OR3A3: variants seen among roughly 807,000 people sequenced by gnomAD.
The protein encoded by OR3A3 is olfactory receptor family 3 subfamily A member 3.
For synonymous variants in OR3A3, 103 were observed against 163.9 expected, an observed-to-expected ratio of 0.63 and a Z score of 2.84; for missense variants, 275 against 391.4, an observed-to-expected ratio of 0.70 and a Z score of 2.51.
At chr17:3,413,765 A>G (rs2072374518) in intron 2 of OR3A3, among the ~76,000 whole-genome samples, 2 of 151,570 alleles carry the variant, frequency 1.3e-5, no homozygotes, top group South Asian at 2.1e-4. Context: ...GTGAGCCAAG[A>G]TCATCAAAAT....
chr17:3,418,678 C>T lies in OR3A3; in HGVS notation c.-6-1902C>T, dbSNP rs181859902. On this transcript the variant is annotated intron_variant, in intron 2 of 2. Transcript: ENST00000641141. ...TTCTGAGATATGATTTTCTTAACCG[C>T]TCCTGGCCCTGAATTTCACTGCCCC... Among the ~76,000 whole-genome samples the T allele has an allele frequency of 9.8e-5, 15 of 152,294 alleles. No homozygotes were observed. The East Asian group carries it at 2.9e-3, about 29-fold the overall frequency.
chr17:3,412,449 T>A (rs1169322830), intron 2 of OR3A3, among the ~76,000 whole-genome samples: 1 of 147,008 alleles, frequency 6.8e-6, no homozygotes, highest in South Asian at 2.2e-4. Flanking sequence ...CGGGGAACCC[T>A]CGCTCCAGCG....
chr17:3,417,259 T>C (rs2072397940), intron 2 of OR3A3, among the ~76,000 whole-genome samples: 1 of 152,144 alleles, frequency 6.6e-6, no homozygotes, highest in Non-Finnish European at 1.5e-5. Flanking sequence ...TGTTTTCTTA[T>C]TCTAAATTCA....
At chr17:3,416,114 C>G (rs2072390138) in intron 2 of OR3A3, among the ~76,000 whole-genome samples, 2 of 151,806 alleles carry the variant, frequency 1.3e-5, no homozygotes, top group East Asian at 3.9e-4. Context: ...ACCTGGCCTA[C>G]TTAGTTTTAT....
chr17:3,411,390 T>G (rs112215494), exon 1 of OR3A3: 14,893 of 135,588 alleles, frequency 0.11, 1 homozygote, highest in African/African-American at 0.18. Flanking sequence ...TTCAGGAATT[T>G]GCTTGTCTCT....
intron 2 of OR3A3, 162 bp from the exon 3 acceptor site, chr17:3,420,418 G>A: frequency 8.5e-7 from 1 of 1,172,882 alleles, no homozygotes; most frequent in South Asian, 1.6e-5. Flanking sequence ...AGGTGGTGGT[G>A]GCATTCGGCA....
chr17:3,420,494 C>G, intron 2 of OR3A3, 86 bp from the exon 3 acceptor site: 1 of 1,553,894 alleles, frequency 6.4e-7, no homozygotes, highest in South Asian at 1.2e-5. Context: ...TGGGGACTCG[C>G]CACGGGGCTT....
chr17:3,412,007 G>T (rs1319636562), exon 2 of OR3A3: 1 of 151,820 alleles, frequency 6.6e-6, no homozygotes, highest in African/African-American at 2.4e-5. Flanking sequence ...CCCCAGAGGA[G>T]AATGCTGTAG....
chr17:3,415,530 C>T (rs1240143039), intron 2 of OR3A3, among the ~76,000 whole-genome samples: 1 of 140,158 alleles, frequency 7.1e-6, no homozygotes, highest in Non-Finnish European at 1.5e-5. Context: ...CACTGCACTC[C>T]AGCCTGGGTG....
At chr17:3,417,791 G>A (rs956661169) in intron 2 of OR3A3, among the ~76,000 whole-genome samples, 13 of 152,254 alleles carry the variant, frequency 8.5e-5, no homozygotes, top group South Asian at 4.1e-4. Flanking sequence ...TCTATTGTAA[G>A]TGACTTGATT....
At chr17:3,419,331 C>G (rs1262139481) in intron 2 of OR3A3, among the ~76,000 whole-genome samples, 1 of 152,130 alleles carries the variant, frequency 6.6e-6, no homozygotes, top group Non-Finnish European at 1.5e-5. Flanking sequence ...GCAACAGTTT[C>G]AATATTTTCT....
At chr17:3,413,842 A>C (rs914571728) in intron 2 of OR3A3, among the ~76,000 whole-genome samples, 15 of 145,438 alleles carry the variant, frequency 1.0e-4, no homozygotes, top group African/African-American at 3.8e-4. Context: ...AAAAAACAAA[A>C]AACAAAAAAA....
chr17:3,418,767 T>C (rs1192524731), intron 2 of OR3A3, among the ~76,000 whole-genome samples: 1 of 152,204 alleles, frequency 6.6e-6, no homozygotes, highest in Non-Finnish European at 1.5e-5. Flanking sequence ...CCTTCCCATC[T>C]TCTGATTTCA....
At chr17:3,418,970 GA>G (rs2072409000) in intron 2 of OR3A3, among the ~76,000 whole-genome samples, 1 of 152,186 alleles carries the variant, frequency 6.6e-6, no homozygotes, top group South Asian at 2.1e-4. Flanking sequence ...AGGACAAGTA[GA>G]AGACCAGTGT....
At chr17:3,418,424 G>A (rs2072405387) in intron 2 of OR3A3, among the ~76,000 whole-genome samples, 1 of 152,146 alleles carries the variant, frequency 6.6e-6, no homozygotes, top group South Asian at 2.1e-4. Context: ...AGGAACTGCT[G>A]ACAAGGCAGT....
chr17:3,419,159 T>C (rs893472226), intron 2 of OR3A3, among the ~76,000 whole-genome samples: 4 of 152,244 alleles, frequency 2.6e-5, no homozygotes, highest in Admixed American at 6.5e-5. Flanking sequence ...TAGCAATTAA[T>C]TGAACAAGGA....
intron 2 of OR3A3, among the ~76,000 whole-genome samples, chr17:3,412,876 T>G (rs2640069): frequency 6.6e-6 from 1 of 152,300 alleles, no homozygotes; most frequent in African/African-American, 2.4e-5. Flanking sequence ...ATTTAACCTG[T>G]ACCTCCCCTA....
At chr17:3,421,535 A>G in exon 3 of OR3A3, 1 of 1,519,602 alleles carries the variant, frequency 6.6e-7, no homozygotes, top group South Asian at 1.3e-5. Context: ...CTGACCTGAG[A>G]GATGACCTCC....
intron 2 of OR3A3, among the ~76,000 whole-genome samples, chr17:3,415,628 T>C (rs906876379): frequency 2.0e-5 from 3 of 150,608 alleles, no homozygotes; most frequent in Non-Finnish European, 4.4e-5. Context: ...GGTCTTTTAA[T>C]TTCTTGCATT....
Sources: gnomAD v4.1 joint callset for allele counts (sites outside exome capture counted in the v4.1 genomes callset) on GRCh38, gnomAD v4.1.1 for gene constraint, MANE v1.5 for transcripts, NCBI Gene and HGNC (gene_info 2026-07-23, HGNC 2026-07-21) for gene names.